Variants in BZW1 observed in about 807,000 individuals in gnomAD.
BZW1 encodes the protein basic leucine zipper and W2 domains 1, also known as eIF5-mimic protein 2.
Under a neutral mutation model 54.1 loss-of-function variants are expected in BZW1, and 3 were observed. The ratio of observed to expected loss-of-function variants is 0.06; its 90% CI spans 0.03 to 0.14. The LOEUF (loss-of-function observed/expected upper bound fraction) is 0.14, where lower values mean the gene tolerates loss of function less well. BZW1 is among the 10% of genes least tolerant of loss of function. The probability of loss-of-function intolerance (pLI) is 1.00; values close to 1 mark genes in which losing one functional copy is unlikely to be tolerated. For synonymous variants in BZW1, 152 were observed against 162.7 expected (o/e 0.93, Z 0.50); for missense variants, 206 against 491.7 (o/e 0.42, Z 5.50).
chr2:200,824,981 T>G lies in BZW1; in HGVS notation c.*2803T>G, dbSNP rs1297098639. On this transcript the variant is annotated 3_prime_UTR_variant, in exon 12 of 12. Coordinates refer to ENST00000409600, the MANE Select transcript of BZW1 (RefSeq NM_001207067.2). Reference sequence around the variant, plus strand: ...GCCACCGCGCCCAGCTAGACTTTTTTCTAATAGAGTCCCCCATAAATTTTA... The same window carrying G: ...GCCACCGCGCCCAGCTAGACTTTTTGCTAATAGAGTCCCCCATAAATTTTA... The G allele has an allele frequency of 6.6e-6, 1 of 152,144 alleles. No homozygotes were observed. The highest frequency in any genetic ancestry group is 1.5e-5 in the Non-Finnish European group (1 of 68,052). The allele number at this position is 152,144 out of a possible 1,614,324, so 9.4% of individuals were successfully genotyped here.
rs1490888940 is a variant in BZW1, at chr2:200,811,962, C to T, written c.-39C>T. On this transcript the variant is annotated 5_prime_UTR_variant, in exon 1 of 12. Coordinates refer to ENST00000409600, the MANE Select transcript of BZW1 (RefSeq NM_001207067.2). ...GCAGTTGCCGGTACATCGGGGATTT[C>T]TGGCTCTTTCCTCTTCGCCTTAAAT... 1 of 326,798 alleles carries T rather than the reference C, an allele frequency of 3.1e-6. No individual in the cohort carries two copies. Among genetic ancestry groups the T allele is most frequent in the African/African-American group, 2.1e-5 (1 of 46,908 alleles). The allele number at this position is 326,798 out of a possible 1,614,324, so 20.2% of individuals were successfully genotyped here.
At chr2:200,813,165 G>T in intron 1 of BZW1, 43 bp from the exon 2 acceptor site, 1 of 1,510,320 alleles carries the variant, frequency 6.6e-7, no homozygotes, top group South Asian at 1.1e-5. Flanking sequence ...TTAAAAATTA[G>T]TATTATGGCA....
chr2:200,816,240 A>G (rs1158545819), intron 4 of BZW1, 85 bp from the exon 5 acceptor site: 3 of 961,664 alleles, frequency 3.1e-6, no homozygotes, highest in African/African-American at 1.6e-5. Context: ...TAAGCAGCTC[A>G]TAAACTTACA....
chr2:200,812,317 T>C, intron 1 of BZW1: 19 of 1,258,626 alleles, frequency 1.5e-5, no homozygotes, highest in Admixed American at 4.1e-5. Flanking sequence ...GATGTACGCG[T>C]GGGGGCTTCC....
chr2:200,815,792 T>G, intron 4 of BZW1, 31 bp downstream of exon 4: 1 of 1,488,576 alleles, frequency 6.7e-7, no homozygotes, highest in South Asian at 1.3e-5. Context: ...TTGTTTTCAG[T>G]TGGCTACTAT....
chr2:200,811,659 G>A (rs1054723767), upstream of BZW1: 1 of 152,356 alleles, frequency 6.6e-6, no homozygotes, highest in Admixed American at 6.5e-5. Context: ...GTGTGAAGAG[G>A]GCGGACGACG....
In BZW1 at chr2:200,827,039, A is replaced by G. The variant is rs1291998508; in HGVS notation, c.*4861A>G. The G allele has an allele frequency of 6.6e-6, 1 of 152,072 alleles. No homozygotes were observed. Among genetic ancestry groups the G allele is most frequent in the Non-Finnish European group, 1.5e-5 (1 of 68,016 alleles). The allele number at this position is 152,072 out of a possible 1,614,324, so 9.4% of individuals were successfully genotyped here. On this transcript the variant is annotated 3_prime_UTR_variant, in exon 12 of 12. Transcript: ENST00000409600. ...TCATTTATAGACTGAAGCCTCTATGACTTCAAAAAGATACTCAACAGTCTC... is the reference window on the plus strand; with the variant it reads ...TCATTTATAGACTGAAGCCTCTATGGCTTCAAAAAGATACTCAACAGTCTC...
intron 2 of BZW1, 42 bp downstream of exon 2, chr2:200,813,323 A>G (rs1362074377): frequency 6.5e-7 from 1 of 1,535,786 alleles, no homozygotes; most frequent in Non-Finnish European, 9.0e-7. Flanking sequence ...AACCTCCAGA[A>G]CATCTTGTGT....
chr2:200,813,325 A>G (rs2038159641), intron 2 of BZW1, 44 bp downstream of exon 2: 2 of 1,508,550 alleles, frequency 1.3e-6, no homozygotes, highest in South Asian at 1.1e-5. Context: ...CCTCCAGAAC[A>G]TCTTGTGTAT....
rs2038692753 is a variant in BZW1 at position 200,826,394 on chromosome 2, TA to T, written c.*4217del. ...AGATATAGATAGATAGATAGATAGA[TA>T]GATAGATAGATATTTTTTTTTTTTT... On this transcript the variant is annotated 3_prime_UTR_variant, in exon 12 of 12. Transcript: ENST00000409600. 1 of 96,192 alleles carries T rather than the reference TA, an allele frequency of 1.0e-5. No homozygotes were observed. The highest frequency in any genetic ancestry group is 2.2e-5 in the Non-Finnish European group (1 of 46,404). The allele number at this position is 96,192 out of a possible 1,614,324, so 6.0% of individuals were successfully genotyped here.
chr2:200,812,762 C>T (rs2038130741), intron 1 of BZW1: 2 of 718,736 alleles, frequency 2.8e-6, no homozygotes, highest in East Asian at 2.7e-5. Flanking sequence ...CGTAACCAGG[C>T]TTGTCAGAAG....
chr2:200,817,663 C>T (rs2038343947), intron 6 of BZW1, among the ~76,000 whole-genome samples: 1 of 151,388 alleles, frequency 6.6e-6, no homozygotes, highest in Admixed American at 6.6e-5. Context: ...TAAAAAACTG[C>T]TTGCAGTAGT....
chr2:200,812,133 A>G (rs1382338892), intron 1 of BZW1, 143 bp downstream of exon 1: 2 of 936,838 alleles, frequency 2.1e-6, no homozygotes, highest in Non-Finnish European at 2.8e-6. Flanking sequence ...GGCCGGATCT[A>G]GGGCCTGAAA....
chr2:200,818,139 T>G, intron 7 of BZW1, 56 bp downstream of exon 7: 1 of 1,512,966 alleles, frequency 6.6e-7, no homozygotes, highest in Non-Finnish European at 8.9e-7. Flanking sequence ...ATGAGAGAAA[T>G]TTCTCATTTT....
chr2:200,817,324 C>T, intron 6 of BZW1, 83 bp downstream of exon 6: 2 of 1,477,806 alleles, frequency 1.4e-6, no homozygotes, highest in Non-Finnish European at 1.8e-6. Context: ...GATGTGACTT[C>T]TGTGAAAGTC....
At chr2:200,822,060 C>T (rs1266111032) in intron 11 of BZW1, 87 bp from the exon 12 acceptor site, 4 of 1,280,986 alleles carry the variant, frequency 3.1e-6, no homozygotes, top group East Asian at 2.5e-5. Context: ...CAGAGGGAGA[C>T]TCTGTCTTAA....
chr2:200,826,018 T>A lies in BZW1; in HGVS notation c.*3840T>A, dbSNP rs886433558. ...GAAGTTTTTCTATTCCCCAGCCTAC[T>A]AAGGCCTACAGGTTAAAATACCAGG... On this transcript the variant is annotated 3_prime_UTR_variant, in exon 12 of 12. Coordinates refer to ENST00000409600, the MANE Select transcript of BZW1 (RefSeq NM_001207067.2). The A allele has an allele frequency of 3.9e-5, 6 of 152,212 alleles. No individual in the cohort carries two copies. Among genetic ancestry groups the A allele is most frequent in the Non-Finnish European group, 4.4e-5 (3 of 68,034 alleles). 9.4% of individuals were successfully genotyped at this position (152,212 alleles called of 1,614,324 possible).
intron 3 of BZW1, 70 bp from the exon 4 acceptor site, chr2:200,815,597 T>C (rs1381211085): frequency 4.4e-6 from 7 of 1,594,682 alleles, no homozygotes; most frequent in African/African-American, 2.7e-5. Context: ...GAATATGAAC[T>C]ATTTGGCAAA....
intron 1 of BZW1, chr2:200,812,289 C>T (rs1276561116): frequency 1.9e-5 from 23 of 1,232,658 alleles, no homozygotes; most frequent in South Asian, 4.0e-5. Context: ...AACAAAGCCG[C>T]CGCGGCCTCT....
Sources: allele counts gnomAD v4.1 joint callset (sites outside exome capture counted in the v4.1 genomes callset), GRCh38; gene constraint gnomAD v4.1.1; transcripts MANE v1.5; gene names NCBI Gene and HGNC (gene_info 2026-07-23, HGNC 2026-07-21).